SLC22A4: variants seen among roughly 807,000 people sequenced by gnomAD.
The protein encoded by SLC22A4 is solute carrier family 22 member 4.
SLC22A4 carries 39 observed loss-of-function variants against 56.6 expected under a neutral mutation model. The ratio of observed to expected loss-of-function variants is 0.69; its 90% CI spans 0.53 to 0.90. SLC22A4 has a LOEUF of 0.90. Among genes scored for constraint, SLC22A4 ranks in the 40% least tolerant of loss-of-function variants. The probability of loss-of-function intolerance (pLI) is 0.00; values close to 1 mark genes in which losing one functional copy is unlikely to be tolerated. For synonymous variants in SLC22A4, 241 were observed against 281.4 expected (o/e 0.86, Z 1.44); for missense variants, 594 against 696.5 (o/e 0.85, Z 1.66).
At chr5:132,327,504 G>C in intron 5 of SLC22A4, 101 bp downstream of exon 5, 1 of 967,672 alleles carries the variant, frequency 1.0e-6, no homozygotes, top group Non-Finnish European at 1.7e-6. Flanking sequence ...CTATGTACCA[G>C]GCATTGCACT....
intron 1 of SLC22A4, among the ~76,000 whole-genome samples, chr5:132,309,267 C>A (rs898178443): frequency 6.6e-6 from 1 of 152,226 alleles, no homozygotes; most frequent in Non-Finnish European, 1.5e-5. Flanking sequence ...TCCAAAAAGA[C>A]ACTTGCGGCA....
chr5:132,309,320 G>A (rs1441626331), intron 1 of SLC22A4, among the ~76,000 whole-genome samples: 2 of 152,192 alleles, frequency 1.3e-5, no homozygotes, highest in East Asian at 3.9e-4. Context: ...AATCAACCAT[G>A]GGCAGCCATG....
At chr5:132,308,896 G>A (rs74602378) in intron 1 of SLC22A4, among the ~76,000 whole-genome samples, 48 of 152,330 alleles carry the variant, frequency 3.2e-4, no homozygotes, top group African/African-American at 1.1e-3. Flanking sequence ...TCCTTACCAG[G>A]ACATCTGCCA....
At chr5:132,295,295 G>T (rs1338747176) in intron 1 of SLC22A4, 1 of 644,128 alleles carries the variant, frequency 1.6e-6, no homozygotes, top group East Asian at 3.3e-5. Context: ...TAAGAACCTA[G>T]ATGTTGCGTT....
At chr5:132,324,568 C>A (rs1353571224) in intron 4 of SLC22A4, 1 of 471,222 alleles carries the variant, frequency 2.1e-6, no homozygotes, top group Admixed American at 2.3e-5. Flanking sequence ...AGTGCTCCCC[C>A]TGAACATTTA....
At chr5:132,324,630 C>T (rs1198419771) in intron 4 of SLC22A4, 1 of 468,758 alleles carries the variant, frequency 2.1e-6, no homozygotes, top group Non-Finnish European at 4.4e-6. Flanking sequence ...TTCTGAACAT[C>T]CCATCCTTGC....
intron 1 of SLC22A4, among the ~76,000 whole-genome samples, chr5:132,302,817 TC>T (rs899090443): frequency 1.4e-4 from 21 of 152,330 alleles, no homozygotes; most frequent in African/African-American, 4.8e-4. Flanking sequence ...CCCATCCCTA[TC>T]TTCCCACTCA....
intron 1 of SLC22A4, 177 bp from the exon 2 acceptor site, chr5:132,311,984 C>T (rs77719114): frequency 0.041 from 28,267 of 685,218 alleles, 778 homozygotes; most frequent in Non-Finnish European, 0.058. Context: ...TCCCCAGTCC[C>T]GGCACAGGCC....
At chr5:132,315,832 T>C (rs1258809356) in intron 3 of SLC22A4, among the ~76,000 whole-genome samples, 1 of 152,194 alleles carries the variant, frequency 6.6e-6, no homozygotes, top group East Asian at 1.9e-4. Flanking sequence ...TGCAGGAAAT[T>C]ACTGGCTTTT....
rs1342447961 is a variant in SLC22A4, at chr5:132,294,651, G to A, written c.35G>A (p.Gly12Asp). ...RDYDEVIAFL[G>D]EWGPFQRLIF... The stretch of plus-strand genomic sequence containing the variant: ...TACGACGAGGTGATCGCCTTCCTGG[G>A]CGAGTGGGGGCCCTTCCAGCGCCTC... The change falls in exon 1 of 10, where the codon GGC (glycine) becomes GAC (aspartate). Residue 12 changes from glycine (G) to aspartate (D), a missense_variant. By Grantham distance (94) the Gly-to-Asp change is moderately conservative. Coordinates refer to ENST00000200652, the MANE Select transcript of SLC22A4 (RefSeq NM_003059.3). The surrounding 1 kb of genome is among the most constrained non-coding windows in gnomAD (Gnocchi z 5.6). The A allele has an allele frequency of 6.2e-7, 1 of 1,614,178 alleles. No individual in the cohort carries two copies. Among genetic ancestry groups the A allele is most frequent in the African/African-American group, 1.3e-5 (1 of 75,046 alleles).
chr5:132,316,487 T>C (rs552905794), intron 3 of SLC22A4, among the ~76,000 whole-genome samples: 2 of 152,352 alleles, frequency 1.3e-5, no homozygotes, highest in South Asian at 2.1e-4. Context: ...CTGGGTAGAA[T>C]GCCATCAGTA....
chr5:132,300,968 C>T (rs1749893794), intron 1 of SLC22A4, among the ~76,000 whole-genome samples: 2 of 152,262 alleles, frequency 1.3e-5, no homozygotes, highest in African/African-American at 4.8e-5. Flanking sequence ...ATGGGCATGG[C>T]CCTTCATATA....
chr5:132,303,186 T>C (rs1749944808), intron 1 of SLC22A4, among the ~76,000 whole-genome samples: 1 of 152,090 alleles, frequency 6.6e-6, no homozygotes, highest in South Asian at 2.1e-4. Context: ...GCCAAAGAAA[T>C]ACAAATCAAT....
At chr5:132,335,698 G>T in intron 7 of SLC22A4, 120 bp from the exon 8 acceptor site, 1 of 845,220 alleles carries the variant, frequency 1.2e-6, no homozygotes, top group East Asian at 2.5e-5. Flanking sequence ...ATGCTATTTT[G>T]GGAATATATT....
intron 5 of SLC22A4, among the ~76,000 whole-genome samples, chr5:132,330,894 G>A (rs1402103034): frequency 6.6e-6 from 1 of 152,086 alleles, no homozygotes; most frequent in African/African-American, 2.4e-5. Context: ...TTCAAGCACT[G>A]TGCTAAGCTA....
chr5:132,308,372 A>ATTTTTTTT (rs56259514), intron 1 of SLC22A4, among the ~76,000 whole-genome samples: 5 of 61,328 alleles, frequency 8.2e-5, no homozygotes, highest in Admixed American at 2.7e-4. Context: ...TGATTAAGCA[A>ATTTTTTTT]TTTTTTTTTT....
In SLC22A4 at chr5:132,302,791, C is replaced by T. The variant is rs377547064; in HGVS notation, c.393+7782C>T. On this transcript the variant is annotated intron_variant, in intron 1 of 9. Coordinates refer to ENST00000200652, the MANE Select transcript of SLC22A4 (RefSeq NM_003059.3). ...GGTCCCTGAGTGACCCTTCTCCTTC[C>T]CACAGCCCCTCCACTCCCATCCCTA... 2.7e-4 allele frequency among the ~76,000 whole-genome samples: 41 copies of T among 152,314 alleles called. No homozygotes were observed. The East Asian group carries it at 4.8e-3, about 18-fold the overall frequency.
chr5:132,303,473 AG>A (rs987110530), intron 1 of SLC22A4, among the ~76,000 whole-genome samples: 6 of 152,158 alleles, frequency 3.9e-5, no homozygotes, highest in South Asian at 2.1e-4. Flanking sequence ...GTTCCACTCT[AG>A]GTGGGTATGG....
At chr5:132,335,214 C>T (rs966272030) in intron 7 of SLC22A4, among the ~76,000 whole-genome samples, 3 of 152,174 alleles carry the variant, frequency 2.0e-5, no homozygotes, top group Non-Finnish European at 4.4e-5. Flanking sequence ...CCCTTTAACT[C>T]ATAGTCATGA....
Sources: gnomAD v4.1 joint callset for allele counts (sites outside exome capture counted in the v4.1 genomes callset) on GRCh38, gnomAD v4.1.1 for gene constraint, Gnocchi (gnomAD v3.1) non-coding constraint, MANE v1.5 for transcripts, NCBI Gene and HGNC (gene_info 2026-07-23, HGNC 2026-07-21) for gene names.